CAMKMT: variants seen among roughly 807,000 people sequenced by gnomAD.
The protein encoded by CAMKMT is CaM KMT.
Under a neutral mutation model 48.0 loss-of-function variants are expected in CAMKMT, and 53 were observed. The ratio of observed to expected loss-of-function variants is 1.10; its 90% confidence interval spans 0.89 to 1.39. The LOEUF (loss-of-function observed/expected upper bound fraction) is 1.39, where lower values mean the gene tolerates loss of function less well. Ranked by LOEUF, CAMKMT falls within the 40% of genes most tolerant of loss-of-function variation. The probability of loss-of-function intolerance (pLI) is 0.00; values close to 1 mark genes in which losing one functional copy is unlikely to be tolerated. For missense variants in CAMKMT, 428 were observed against 402.7 expected (o/e 1.06, Z -0.54); for synonymous variants, 165 against 152.3 (o/e 1.08, Z -0.61).
intron 4 of CAMKMT, among the ~76,000 whole-genome samples, chr2:44,705,881 T>G (rs1677526103): frequency 6.6e-6 from 1 of 152,234 alleles, no homozygotes; most frequent in Non-Finnish European, 1.5e-5. Flanking sequence ...CTCATATATA[T>G]TCTTCATTTA....
chr2:44,459,816 G>C (rs1229042955), intron 3 of CAMKMT, among the ~76,000 whole-genome samples: 1 of 152,190 alleles, frequency 6.6e-6, no homozygotes, highest in Non-Finnish European at 1.5e-5. Context: ...TCTTGCTGGA[G>C]CTTTAACTGG....
intron 7 of CAMKMT, among the ~76,000 whole-genome samples, chr2:44,740,494 G>C (rs1449069289): frequency 6.6e-6 from 1 of 152,138 alleles, no homozygotes; most frequent in Non-Finnish European, 1.5e-5. Context: ...AGGAGGAGGG[G>C]AATAGTGTCA....
intron 3 of CAMKMT, among the ~76,000 whole-genome samples, chr2:44,542,490 TACAC>T (rs1358081273): frequency 4.8e-5 from 3 of 63,090 alleles, no homozygotes; most frequent in Middle Eastern, 8.5e-3. Context: ...GTAAGACACA[TACAC>T]ATACACACAC....
chr2:44,598,546 A>G (rs1670802781), intron 3 of CAMKMT, among the ~76,000 whole-genome samples: 1 of 151,508 alleles, frequency 6.6e-6, no homozygotes, highest in African/African-American at 2.4e-5. Flanking sequence ...CAGCCTGACA[A>G]GTATGACTTA....
At chr2:44,651,296 A>C (rs1257999231) in intron 3 of CAMKMT, among the ~76,000 whole-genome samples, 3 of 152,256 alleles carry the variant, frequency 2.0e-5, no homozygotes, top group Admixed American at 6.5e-5. Context: ...TAGAATAGTC[A>C]ACTGACTTAC....
intron 8 of CAMKMT, among the ~76,000 whole-genome samples, chr2:44,751,729 G>C (rs563057998): frequency 6.6e-6 from 1 of 152,166 alleles, no homozygotes. Context: ...ATCTTGCGCT[G>C]CTACAAAGGT....
At chr2:44,705,249 C>G in intron 4 of CAMKMT, 2 of 501,000 alleles carry the variant, frequency 4.0e-6, no homozygotes, top group African/African-American at 2.1e-5. Context: ...TGCTTGGCTT[C>G]TTCTCCTCCC....
rs1236094695 is a variant in CAMKMT, at chr2:44,514,299, G to GA, written c.376+123999dup. 2.0e-5 allele frequency among the ~76,000 whole-genome samples: 3 copies of GA among 151,922 alleles called. No individual in the cohort carries two copies. In the East Asian group the frequency reaches 5.8e-4, roughly 29 times the overall value. ...TTAATGTTTATGCCAGATGATGTAG[G>GA]AAAAATAACTTCTGCCAGACCTTGG... On this transcript the variant is annotated intron_variant, in intron 3 of 10. Coordinates refer to ENST00000378494, the MANE Select transcript of CAMKMT (RefSeq NM_024766.5).
At chr2:44,660,554 A>G (rs1212653173) in intron 3 of CAMKMT, among the ~76,000 whole-genome samples, 1 of 152,278 alleles carries the variant, frequency 6.6e-6, no homozygotes, top group African/African-American at 2.4e-5. Flanking sequence ...AGAAACATTA[A>G]GGGTCAAACT....
At chr2:44,558,240 A>G (rs531376512) in intron 3 of CAMKMT, among the ~76,000 whole-genome samples, 4 of 152,116 alleles carry the variant, frequency 2.6e-5, no homozygotes, top group East Asian at 1.9e-4. Flanking sequence ...GCATCTTGCA[A>G]TGTTGCCCAG....
At chr2:44,598,608 T>A (rs1670807106) in intron 3 of CAMKMT, among the ~76,000 whole-genome samples, 1 of 150,274 alleles carries the variant, frequency 6.7e-6, no homozygotes, top group African/African-American at 2.5e-5. Context: ...TAGCACAAAG[T>A]AGAAATACAA....
chr2:44,701,545 T>C (rs1316186772), intron 3 of CAMKMT, among the ~76,000 whole-genome samples: 1 of 152,184 alleles, frequency 6.6e-6, no homozygotes, highest in African/African-American at 2.4e-5. Flanking sequence ...TGACCAGATA[T>C]CCCATTTCCT....
intron 9 of CAMKMT, among the ~76,000 whole-genome samples, chr2:44,763,141 G>T (rs1680685797): frequency 6.6e-6 from 1 of 152,166 alleles, no homozygotes; most frequent in Admixed American, 6.5e-5. Flanking sequence ...AGGGCTCAGT[G>T]AATGAATGGA....
chr2:44,651,073 C>G (rs1674034009), intron 3 of CAMKMT, among the ~76,000 whole-genome samples: 1 of 152,206 alleles, frequency 6.6e-6, no homozygotes, highest in Non-Finnish European at 1.5e-5. Context: ...ATAAATTACT[C>G]TATTGCTGAT....
intron 3 of CAMKMT, among the ~76,000 whole-genome samples, chr2:44,548,789 C>G (rs1370986718): frequency 2.0e-5 from 3 of 152,078 alleles, no homozygotes; most frequent in Non-Finnish European, 2.9e-5. Context: ...GACCTCAATT[C>G]TACAGCTACA....
At chr2:44,524,612 T>C (rs577762142) in intron 3 of CAMKMT, among the ~76,000 whole-genome samples, 1 of 152,188 alleles carries the variant, frequency 6.6e-6, no homozygotes, top group East Asian at 1.9e-4. Context: ...ACACTGGACA[T>C]CCCTTAGCAT....
At chr2:44,532,538 G>T (rs928681448) in intron 3 of CAMKMT, among the ~76,000 whole-genome samples, 2 of 152,238 alleles carry the variant, frequency 1.3e-5, no homozygotes, top group African/African-American at 4.8e-5. Flanking sequence ...ATGACAATTT[G>T]CCTCCCCTCA....
At position 44,591,428 on chromosome 2, in the gene CAMKMT, A is replaced by C. The variant is rs868733231; in HGVS notation, c.377-112855A>C. ...ATTTGTTTGTATCCTCTTTTATTTC[A>C]TTGAGCAGTGGTTTGTAGTTCTCCT... On this transcript the variant is annotated intron_variant, in intron 3 of 10. Transcript: ENST00000378494. Among the ~76,000 whole-genome samples, 389 of 151,782 alleles carry C rather than the reference A, an allele frequency of 2.6e-3. 1 individual carries two copies. The highest frequency in any genetic ancestry group is 6.8e-3 in the Middle Eastern group (2 of 294).
intron 3 of CAMKMT, among the ~76,000 whole-genome samples, chr2:44,541,677 A>T (rs891355434): frequency 6.6e-6 from 1 of 151,806 alleles, no homozygotes; most frequent in South Asian, 2.1e-4. Flanking sequence ...AGGCTGAGGT[A>T]AGAGGATCAC....
Sources: gnomAD v4.1 joint callset for allele counts (sites outside exome capture counted in the v4.1 genomes callset) on GRCh38, gnomAD v4.1.1 for gene constraint, MANE v1.5 for transcripts, NCBI Gene and HGNC (gene_info 2026-07-23, HGNC 2026-07-21) for gene names.